PCDH15: variants seen among roughly 807,000 people sequenced by gnomAD.
PCDH15 encodes the protein protocadherin-15.
Under a neutral mutation model 178.5 loss-of-function variants are expected in PCDH15, and 129 were observed. The ratio of observed to expected loss-of-function variants is 0.72; its 90% CI spans 0.63 to 0.84. The LOEUF (loss-of-function observed/expected upper bound fraction) is 0.84. Ranked by LOEUF, PCDH15 falls within the 40% of genes least tolerant of loss-of-function variation. PCDH15 has a pLI of 0.00. For missense variants in PCDH15, 2,230 were observed against 2,099.9 expected, an observed-to-expected ratio of 1.06 and a Z score of -1.21; for synonymous variants, 800 against 732.0, an observed-to-expected ratio of 1.09 and a Z score of -1.50.
intron 3 of PCDH15, among the ~76,000 whole-genome samples, chr10:54,518,813 T>C: frequency 6.6e-6 from 1 of 152,158 alleles, no homozygotes; most frequent in East Asian, 1.9e-4. Flanking sequence ...AAATCCTCAA[T>C]AAAATACTGG....
Position 54,308,303 on chromosome 10 carries a change from G to T in PCDH15, c.876+8968C>A, listed in dbSNP as rs186853336. On this transcript the variant is annotated intron_variant, in intron 8 of 37. Coordinates refer to ENST00000644397, the MANE Select transcript of PCDH15 (RefSeq NM_001384140.1). The stretch of plus-strand genomic sequence containing the variant: ...TTTCATAGAAAAAAATAGCTCAAAG[G>T]TTAATTTAAAGTAATACTTTGAACA... Among the ~76,000 whole-genome samples the T allele has an allele frequency of 1.7e-4, 26 of 152,136 alleles. 1 individual carries two copies. The highest frequency in any genetic ancestry group is 6.8e-3 in the Middle Eastern group (2 of 294).
intron 3 of PCDH15, among the ~76,000 whole-genome samples, chr10:54,445,441 C>T (rs1442345679): frequency 2.0e-5 from 3 of 151,420 alleles, no homozygotes; most frequent in Non-Finnish European, 4.4e-5. Flanking sequence ...CTGTACACAA[C>T]GCAAGAGCTT....
intron 2 of PCDH15, among the ~76,000 whole-genome samples, chr10:55,364,427 T>G (rs1022949543): frequency 6.6e-6 from 1 of 152,190 alleles, no homozygotes; most frequent in African/African-American, 2.4e-5. Context: ...TGGTTTCTTC[T>G]GAGAAATGTA....
At chr10:54,435,969 TA>T in intron 3 of PCDH15, among the ~76,000 whole-genome samples, 1 of 142,642 alleles carries the variant, frequency 7.0e-6, no homozygotes, top group Non-Finnish European at 1.5e-5. Context: ...GACTCCATCT[TA>T]AAAAAATGAA....
At chr10:54,585,793 A>T (rs951415023) in intron 2 of PCDH15, among the ~76,000 whole-genome samples, 2 of 152,146 alleles carry the variant, frequency 1.3e-5, no homozygotes, top group African/African-American at 4.8e-5. Context: ...GATTAGCTTC[A>T]TTCAATTATG....
chr10:54,225,859 A>G (rs1437196132), intron 9 of PCDH15, among the ~76,000 whole-genome samples: 1 of 152,218 alleles, frequency 6.6e-6, no homozygotes, highest in African/African-American at 2.4e-5. Flanking sequence ...TGCTTTATAT[A>G]CTGACTGACA....
chr10:54,791,757 A>G (rs1394473911), intron 1 of PCDH15, among the ~76,000 whole-genome samples: 4 of 151,848 alleles, frequency 2.6e-5, no homozygotes, highest in Non-Finnish European at 5.9e-5. Flanking sequence ...ATTCAGAATC[A>G]AAACCACTTC....
At chr10:55,307,907 G>A (rs2132285428) in intron 1 of PCDH15, among the ~76,000 whole-genome samples, 1 of 152,082 alleles carries the variant, frequency 6.6e-6, no homozygotes, top group Admixed American at 6.6e-5. Context: ...AGAGAAAAAT[G>A]TTTATAATTT....
intron 2 of PCDH15, among the ~76,000 whole-genome samples, chr10:55,095,053 CG>C (rs1842416754): frequency 1.3e-5 from 2 of 151,098 alleles, no homozygotes; most frequent in Admixed American, 1.3e-4. Context: ...TTCCAAGTAG[CG>C]GGACCACAAG....
intron 32 of PCDH15, among the ~76,000 whole-genome samples, chr10:53,826,841 A>C (rs1168729304): frequency 1.3e-5 from 2 of 152,088 alleles, no homozygotes; most frequent in East Asian, 3.9e-4. Flanking sequence ...TTAATATAGA[A>C]ATTCTGTAAT....
chr10:54,700,271 G>A (rs2095291678), intron 1 of PCDH15, among the ~76,000 whole-genome samples: 1 of 152,110 alleles, frequency 6.6e-6, no homozygotes, highest in Non-Finnish European at 1.5e-5. Context: ...AGATTAGAAT[G>A]TACCAGCATG....
chr10:54,370,646 C>G (rs896597411), intron 4 of PCDH15, among the ~76,000 whole-genome samples: 2 of 151,636 alleles, frequency 1.3e-5, no homozygotes, highest in Non-Finnish European at 2.9e-5. Context: ...ATAGTTACAC[C>G]AATGAGAATT....
At chr10:54,927,018 T>C (rs917081967) in intron 2 of PCDH15, among the ~76,000 whole-genome samples, 4 of 152,052 alleles carry the variant, frequency 2.6e-5, no homozygotes, top group African/African-American at 7.2e-5. Context: ...TTAGTTCTTT[T>C]CGTCATGATG....
At chr10:54,649,923 G>A (rs115177458) in intron 2 of PCDH15, among the ~76,000 whole-genome samples, 1,709 of 152,092 alleles carry the variant, frequency 0.011, 25 homozygotes, top group African/African-American at 0.035. Context: ...TCTAGCTGAC[G>A]CATTTTATGT....
chr10:54,791,842 T>C (rs894859457), intron 1 of PCDH15, among the ~76,000 whole-genome samples: 2 of 151,930 alleles, frequency 1.3e-5, no homozygotes, highest in Non-Finnish European at 2.9e-5. Flanking sequence ...GGCTCCTTAA[T>C]TTCTCATTTC....
chr10:54,429,062 CTTGACTT>C (rs1327753906), intron 3 of PCDH15, among the ~76,000 whole-genome samples: 2 of 108,198 alleles, frequency 1.8e-5, no homozygotes, highest in Non-Finnish European at 4.0e-5. Context: ...ATAAATTACT[CTTGACTT>C]AAGTAGAAAG....
intron 35 of PCDH15, among the ~76,000 whole-genome samples, chr10:53,812,268 C>T (rs1045942916): frequency 3.9e-5 from 6 of 152,116 alleles, no homozygotes; most frequent in East Asian, 1.9e-4. Context: ...AGTGCAGTGG[C>T]GTGATCTTGG....
intron 2 of PCDH15, among the ~76,000 whole-genome samples, chr10:55,516,604 C>T (rs1410291212): frequency 6.6e-6 from 1 of 152,090 alleles, no homozygotes; most frequent in African/African-American, 2.4e-5. Context: ...AGCTTCACAG[C>T]ATCTGCAAAT....
Position 55,340,983 on chromosome 10 carries a change from T to C in PCDH15, c.-155-174332A>G, listed in dbSNP as rs116141131. Among the ~76,000 whole-genome samples the C allele has an allele frequency of 4.5e-3, 677 of 152,018 alleles. 8 individuals carry two copies. The highest frequency in any genetic ancestry group is 0.015 in the African/African-American group (635 of 41,564). On this transcript the variant is annotated intron_variant, in intron 2 of 5. Coordinates refer to the PCDH15 transcript ENST00000613346. ...AAAATTTACACAATTTGAAATCTCA[T>C]TTTCTTTTATTTTGTTTTCTTTTTC...
Sources: gnomAD v4.1 joint callset for allele counts (sites outside exome capture counted in the v4.1 genomes callset) on GRCh38, gnomAD v4.1.1 for gene constraint, MANE v1.5 for transcripts, NCBI Gene and HGNC (gene_info 2026-07-23, HGNC 2026-07-21) for gene names.